KLHL36: variants seen among roughly 807,000 people sequenced by gnomAD.
The protein encoded by KLHL36 is kelch-like protein 36.
In KLHL36, 35 loss-of-function variants were observed where a neutral mutation model predicts 53.3. The observed-to-expected ratio is 0.66, with a 90% CI of 0.50 to 0.87. The LOEUF (loss-of-function observed/expected upper bound fraction) is 0.87. Ranked by LOEUF, KLHL36 falls within the 40% of genes least tolerant of loss-of-function variation. KLHL36 has a pLI of 0.00. For missense variants in KLHL36, 864 were observed against 897.6 expected (o/e 0.96, Z 0.48); for synonymous variants, 472 against 398.9 (o/e 1.18, Z -2.18).
chr16:84,659,504 G>A (rs1907418106), intron 3 of KLHL36: 1 of 450,156 alleles, frequency 2.2e-6, no homozygotes, highest in Non-Finnish European at 4.0e-6. Context: ...AAGTTCGGGG[G>A]TTCAGAGCAT....
chr16:84,663,801 C>G lies in KLHL36; in HGVS notation c.*1668C>G, dbSNP rs990183389. 6.6e-6 allele frequency: 1 copy of G among 152,238 alleles called. No homozygotes were observed. Among genetic ancestry groups the G allele is most frequent in the Admixed American group, 6.5e-5 (1 of 15,274 alleles). 9.4% of individuals were successfully genotyped at this position (152,238 alleles called of 1,614,324 possible). On this transcript the variant is annotated 3_prime_UTR_variant, in exon 5 of 5. Coordinates refer to ENST00000564996, the MANE Select transcript of KLHL36 (RefSeq NM_024731.4). ...CTTCCCTTCAGGGTTTACTGTGGTT[C>G]TCACTGGTCTGTTTATGTAGCCATC...
In KLHL36 at chr16:84,666,412, T is replaced by C. The variant is rs1477492435; in HGVS notation, c.*4279T>C. On this transcript the variant is annotated 3_prime_UTR_variant, in exon 5 of 5. Transcript: ENST00000564996. ...CAAAGTTGCATGCAGCCCGTGGGTA[T>C]GACTGTCTCAGGCCCCCAGCTCATT... 6.6e-6 allele frequency: 1 copy of C among 152,172 alleles called. No individual in the cohort carries two copies. Among genetic ancestry groups the C allele is most frequent in the Non-Finnish European group, 1.5e-5 (1 of 68,050 alleles). 9.4% of individuals were successfully genotyped at this position (152,172 alleles called of 1,614,324 possible). A position where few individuals can be genotyped will look rare whatever the true frequency, so the allele number is the denominator to read the frequency against.
rs13336232 is a variant in KLHL36, at chr16:84,661,005, A to G, written c.1296-573A>G. On this transcript the variant is annotated intron_variant, in intron 4 of 4. Transcript: ENST00000564996. The surrounding 1 kb of genome is among the most constrained non-coding windows in gnomAD (Gnocchi z 7.9). ...GGCACAGTTGTGTGGGTTTTGAGGA[A>G]CACAAAGCAACATGAATCCACCATT... is the stretch of plus-strand genomic sequence containing the variant. Among the ~76,000 whole-genome samples, 4 of 152,112 alleles carry G rather than the reference A, an allele frequency of 2.6e-5. No individual in the cohort carries two copies. The East Asian group carries it at 5.8e-4, about 22-fold the overall frequency.
rs371229818 is a variant in KLHL36, at chr16:84,657,281, C to T, written c.474C>T (p.Tyr158=). 32 of 1,614,014 alleles carry T rather than the reference C, an allele frequency of 2.0e-5. No homozygotes were observed. The highest frequency in any genetic ancestry group is 2.5e-5 in the Non-Finnish European group (30 of 1,180,054). ...YLYLQELASI[Y]SLKRLDAFID... is the part of the protein sequence containing the mutation. ...ACCTGCAGGAGCTGGCCTCCATCTA[C>T]AGCCTCAAGCGGCTTGATGCCTTCA... is the stretch of plus-strand genomic sequence containing the variant. Residue 158 remains tyrosine, a synonymous_variant, in exon 3 of 5, where the codon TAC becomes TAT. Coordinates refer to ENST00000564996, the MANE Select transcript of KLHL36 (RefSeq NM_024731.4).
In KLHL36 at chr16:84,664,953, G is replaced by T. The variant is rs1567564742; in HGVS notation, c.*2820G>T. 1 of 152,266 alleles carries T rather than the reference G, an allele frequency of 6.6e-6. No homozygotes were observed. The highest frequency in any genetic ancestry group is 1.5e-5 in the Non-Finnish European group (1 of 68,068). 9.4% of individuals were successfully genotyped at this position (152,266 alleles called of 1,614,324 possible). A position where few individuals can be genotyped will look rare whatever the true frequency, so the allele number is the denominator to read the frequency against. On this transcript the variant is annotated 3_prime_UTR_variant, in exon 5 of 5. Transcript: ENST00000564996. ...AGGTGGGAGAATCACCTGAGCCTGG[G>T]AGGTTGAGGCTGCAGTGAGCTATGA...
chr16:84,661,250 C>T lies in KLHL36; in HGVS notation c.1296-328C>T, dbSNP rs1907526887. On this transcript the variant is annotated intron_variant, in intron 4 of 4. Coordinates refer to ENST00000564996, the MANE Select transcript of KLHL36 (RefSeq NM_024731.4). The surrounding 1 kb of genome is among the most constrained non-coding windows in gnomAD (Gnocchi z 7.9). ...TCGGGTGCATGTGTGCCTGCTAGCTCATTGTTCTAGTCGTTTCCAGCCATT... is the reference window on the plus strand; with the variant it reads ...TCGGGTGCATGTGTGCCTGCTAGCTTATTGTTCTAGTCGTTTCCAGCCATT... Among the ~76,000 whole-genome samples the T allele has an allele frequency of 1.3e-5, 2 of 152,176 alleles. No individual in the cohort carries two copies. Among genetic ancestry groups the T allele is most frequent in the Non-Finnish European group, 1.5e-5 (1 of 68,042 alleles).
intron 2 of KLHL36, among the ~76,000 whole-genome samples, chr16:84,652,755 C>T (rs1261978975): frequency 4.6e-5 from 7 of 152,212 alleles, no homozygotes; most frequent in Non-Finnish European, 7.3e-5. Context: ...TTTGTCTAAA[C>T]GGGATCCGAG....
Position 84,662,276 on chromosome 16 carries a change from T to C in KLHL36, c.*143T>C. 1.3e-6 allele frequency: 1 copy of C among 746,724 alleles called. No individual in the cohort carries two copies. The highest frequency in any genetic ancestry group is 2.1e-6 in the Non-Finnish European group (1 of 474,592). The allele number at this position is 746,724 out of a possible 1,614,324, so 46.3% of individuals were successfully genotyped here. On this transcript the variant is annotated 3_prime_UTR_variant, in exon 5 of 5. Transcript: ENST00000564996. ...TATGATTCTTGGTATTTCTATGATATCACAGTAACCAATTAAATACTATCT... is the reference window on the plus strand; with the variant it reads ...TATGATTCTTGGTATTTCTATGATACCACAGTAACCAATTAAATACTATCT...
rs776332431 is a variant in KLHL36, at chr16:84,657,618, G to A, written c.811G>A (p.Val271Met). The change falls in exon 3 of 5, where the codon GTG becomes ATG. Residue 271 changes from valine to methionine, a missense_variant. By Grantham distance (21) the Val-to-Met change is conservative (BLOSUM62 1). Transcript: ENST00000564996. Reference sequence around the variant, plus strand: ...CTGCGAGGGCTTCATCGAGGAGGCCGTGCGCTACCACAACAACCTGGCGGC... The same window carrying A: ...CTGCGAGGGCTTCATCGAGGAGGCCATGCGCTACCACAACAACCTGGCGGC... ...ANCEGFIEEAVRYHNNLAAQP... is the reference protein window; with the variant it reads ...ANCEGFIEEAMRYHNNLAAQP... 16 of 1,611,402 alleles carry A rather than the reference G, an allele frequency of 9.9e-6. No individual in the cohort carries two copies. The highest frequency in any genetic ancestry group is 2.2e-5 in the East Asian group (1 of 44,856).
In KLHL36 at chr16:84,657,527, C is replaced by A; in HGVS notation, c.720C>A (p.Ile240=). ...QVLENIHFPL[I]PKNDLLHRVK... ...TGGAGAACATCCACTTCCCGCTCAT[C>A]CCCAAGAACGACCTGCTGCACCGCG... Residue 240 remains isoleucine, a synonymous_variant, in exon 3 of 5, where the codon ATC becomes ATA. Transcript: ENST00000564996. The A allele has an allele frequency of 1.2e-6, 2 of 1,610,114 alleles. No individual in the cohort carries two copies. The highest frequency in any genetic ancestry group is 1.7e-6 in the Non-Finnish European group (2 of 1,179,900).
In KLHL36 at chr16:84,663,100, C is replaced by A. The variant is rs1195752603; in HGVS notation, c.*967C>A. ...CTATCTTGAGGCGCTGTTGAAAGTT[C>A]CTGCACAGAGGAGCACATGTGGATC... On this transcript the variant is annotated 3_prime_UTR_variant, in exon 5 of 5. Transcript: ENST00000564996. The A allele has an allele frequency of 1.3e-5, 2 of 152,124 alleles. No homozygotes were observed. The highest frequency in any genetic ancestry group is 4.8e-5 in the African/African-American group (2 of 41,432). 9.4% of individuals were successfully genotyped at this position (152,124 alleles called of 1,614,324 possible).
In KLHL36 at chr16:84,657,518, C is replaced by T. The variant is rs1432708005; in HGVS notation, c.711C>T (p.Phe237=). 1 of 1,609,796 alleles carries T rather than the reference C, an allele frequency of 6.2e-7. No individual in the cohort carries two copies. The highest frequency in any genetic ancestry group is 8.5e-7 in the Non-Finnish European group (1 of 1,179,882). ...GCCAGGTGCTGGAGAACATCCACTT[C>T]CCGCTCATCCCCAAGAACGACCTGC... The part of the protein sequence containing the change: ...HARQVLENIH[F]PLIPKNDLLH... Residue 237 remains phenylalanine, a synonymous_variant, in exon 3 of 5, where the codon TTC becomes TTT. Transcript: ENST00000564996.
intron 2 of KLHL36, among the ~76,000 whole-genome samples, chr16:84,655,954 A>G (rs1907175904): frequency 6.6e-6 from 1 of 150,840 alleles, no homozygotes; most frequent in African/African-American, 2.4e-5. Context: ...GTGCAGTGGC[A>G]CAATCATGGC....
rs1907071808 is a variant in KLHL36, at chr16:84,654,225, C to T, written c.64-2646C>T. 3.9e-5 allele frequency among the ~76,000 whole-genome samples: 6 copies of T among 152,358 alleles called. 1 individual carries two copies. In the South Asian group the frequency reaches 1.2e-3, roughly 32 times the overall value. On this transcript the variant is annotated intron_variant, in intron 2 of 4. Transcript: ENST00000564996. ...CCGCCTCATGCCCTCATATGCGTCT[C>T]TCAGGCCGCTAAGCCTGTACTATGA...
Position 84,657,434 on chromosome 16 carries a change from C to T in KLHL36, c.627C>T (p.Asp209=), listed in dbSNP as rs751487711. ...AGGTGCAGCGGGAGTGTGAGCACGACCTCCTGCAGGCCGCCCTGCAGTGGC... is the reference window on the plus strand; with the variant it reads ...AGGTGCAGCGGGAGTGTGAGCACGATCTCCTGCAGGCCGCCCTGCAGTGGC... The part of the protein sequence containing the change: ...SSEVQRECEH[D]LLQAALQWLT... The change falls in exon 3 of 5, where the codon GAC becomes GAT. Residue 209 remains aspartate (D), a synonymous_variant. Transcript: ENST00000564996. The T allele has an allele frequency of 5.1e-5, 82 of 1,606,150 alleles. No homozygotes were observed. In the Admixed American group the frequency reaches 1.3e-3, roughly 26 times the overall value.
intron 2 of KLHL36, among the ~76,000 whole-genome samples, chr16:84,654,382 T>G (rs1364132455): frequency 6.6e-6 from 1 of 152,114 alleles, no homozygotes; most frequent in African/African-American, 2.4e-5. Context: ...GCACGGTGGC[T>G]TATACCTGTA....
In KLHL36 at chr16:84,662,234, G is replaced by T; in HGVS notation, c.*101G>T. ...TTCCGGAAACATTATGTACAACTTA[G>T]CAGCTTTTTTTACTTTTATGATTCT... On this transcript the variant is annotated 3_prime_UTR_variant, in exon 5 of 5. Transcript: ENST00000564996. 9.2e-7 allele frequency: 1 copy of T among 1,090,716 alleles called. No individual in the cohort carries two copies. 67.6% of individuals were successfully genotyped at this position (1,090,716 alleles called of 1,614,324 possible).
chr16:84,661,743 C>T lies in KLHL36; in HGVS notation c.1461C>T (p.Ser487=). 1 of 1,613,494 alleles carries T rather than the reference C, an allele frequency of 6.2e-7. No homozygotes were observed. Among genetic ancestry groups the T allele is most frequent in the African/African-American group, 1.3e-5 (1 of 75,056 alleles). Residue 487 remains serine, a synonymous_variant, in exon 5 of 5, where the codon AGC becomes AGT. Transcript: ENST00000564996. This position sits in a 1 kb window ranked among gnomAD's most constrained non-coding sequence, Gnocchi z 7.9. ...TGACCACGGCGCGCGGCTGGCACAG[C>T]ATGTGCAGCCTGGGTGACAGCATCT... is the stretch of plus-strand genomic sequence containing the variant. The part of the protein sequence containing the change: ...RPMTTARGWH[S]MCSLGDSIYS...
chr16:84,655,445 C>T (rs1350164701), intron 2 of KLHL36, among the ~76,000 whole-genome samples: 1 of 152,104 alleles, frequency 6.6e-6, no homozygotes, highest in African/African-American at 2.4e-5. Flanking sequence ...GGCGTGGTAG[C>T]GTGTGCCTGT....
Sources: gnomAD v4.1 joint callset for allele counts (sites outside exome capture counted in the v4.1 genomes callset) on GRCh38, gnomAD v4.1.1 for gene constraint, Gnocchi (gnomAD v3.1) non-coding constraint, MANE v1.5 for transcripts, NCBI Gene and HGNC (gene_info 2026-07-23, HGNC 2026-07-21) for gene names.